B3GLCT: variants seen among roughly 807,000 people sequenced by gnomAD.
B3GLCT encodes beta-1,3-glucosyltransferase.
In B3GLCT, 65 loss-of-function variants were observed where a neutral mutation model predicts 63.4. The ratio of observed to expected loss-of-function variants is 1.03; its 90% CI spans 0.84 to 1.26. B3GLCT has a LOEUF of 1.26. Among genes scored for constraint, B3GLCT ranks in the 50% most tolerant of loss-of-function variants. The pLI, the probability that B3GLCT is intolerant of heterozygous loss-of-function variation, is 0.00. For missense variants in B3GLCT, 577 were observed against 604.8 expected, an observed-to-expected ratio of 0.95 and a Z score of 0.48; for synonymous variants, 233 against 219.2, an observed-to-expected ratio of 1.06 and a Z score of -0.55.
At chr13:31,317,540 G>T in intron 12 of B3GLCT, 26 bp from the exon 13 acceptor site, 1 of 1,613,514 alleles carries the variant, frequency 6.2e-7, no homozygotes, top group Admixed American at 1.7e-5. Context: ...AAATAATCAT[G>T]ATTTGTGTTC....
intron 12 of B3GLCT, among the ~76,000 whole-genome samples, chr13:31,316,877 C>G (rs1281112155): frequency 6.6e-6 from 1 of 152,110 alleles, no homozygotes; most frequent in East Asian, 1.9e-4. Flanking sequence ...TTTAGAGAAC[C>G]CAGACTAATA....
intron 2 of B3GLCT, among the ~76,000 whole-genome samples, chr13:31,216,142 T>A (rs915511236): frequency 3.8e-5 from 3 of 78,854 alleles, no homozygotes; most frequent in Non-Finnish European, 1.1e-4. Flanking sequence ...TTTAATAGAA[T>A]GTTTCTTTAT....
At chr13:31,220,720 A>C (rs528995708) in intron 2 of B3GLCT, among the ~76,000 whole-genome samples, 1 of 152,214 alleles carries the variant, frequency 6.6e-6, no homozygotes, top group African/African-American at 2.4e-5. Context: ...TGAAATGGCT[A>C]ATCATTTCCT....
chr13:31,331,290 C>T lies in B3GLCT; in HGVS notation c.*1622C>T, dbSNP rs1875909696. On this transcript the variant is annotated 3_prime_UTR_variant, in exon 15 of 15. Coordinates refer to ENST00000343307, the MANE Select transcript of B3GLCT (RefSeq NM_194318.4). Reference sequence around the variant, plus strand: ...TGCCTACACCAGTGGAAAAGAGTCTCCAGTTCTGCTCTGGCCTACTAACTG... The same window carrying T: ...TGCCTACACCAGTGGAAAAGAGTCTTCAGTTCTGCTCTGGCCTACTAACTG... The T allele has an allele frequency of 6.6e-6, 1 of 152,192 alleles. No individual in the cohort carries two copies. Among genetic ancestry groups the T allele is most frequent in the Non-Finnish European group, 1.5e-5 (1 of 68,044 alleles). 9.4% of individuals were successfully genotyped at this position (152,192 alleles called of 1,614,324 possible). A position where few individuals can be genotyped will look rare whatever the true frequency, so the allele number is the denominator to read the frequency against.
intron 3 of B3GLCT, among the ~76,000 whole-genome samples, chr13:31,227,068 G>A (rs1004561690): frequency 1.3e-5 from 2 of 152,044 alleles, no homozygotes; most frequent in Admixed American, 6.5e-5. Context: ...TTTGCAACTT[G>A]CTTTTTTCAG....
chr13:31,242,094 G>A lies in B3GLCT; in HGVS notation c.271-4929G>A, dbSNP rs1870978552. Reference sequence around the variant, plus strand: ...CTTGCCGTTTTGCAGAGAGGAAACTGAGGCTTAGAGAGATTAATAAAATAG... The same window carrying A: ...CTTGCCGTTTTGCAGAGAGGAAACTAAGGCTTAGAGAGATTAATAAAATAG... On this transcript the variant is annotated intron_variant, in intron 4 of 14. Coordinates refer to ENST00000343307, the MANE Select transcript of B3GLCT (RefSeq NM_194318.4). Among the ~76,000 whole-genome samples, 3 of 152,180 alleles carry A rather than the reference G, an allele frequency of 2.0e-5. 1 individual carries two copies. Among genetic ancestry groups the A allele is most frequent in the South Asian group, 4.1e-4 (2 of 4,824 alleles).
At chr13:31,316,407 T>TTTTATATATATATATA (rs1239451482) in intron 12 of B3GLCT, among the ~76,000 whole-genome samples, 468 of 40,870 alleles carry the variant, frequency 0.011, 13 homozygotes, top group East Asian at 0.024. Flanking sequence ...TTTGGAGGTT[T>TTTTATATATATATATA]TATATATATA....
chr13:31,207,914 A>G (rs977283410), intron 1 of B3GLCT, among the ~76,000 whole-genome samples: 2 of 152,206 alleles, frequency 1.3e-5, no homozygotes, highest in Admixed American at 6.5e-5. Flanking sequence ...AAAAGGCTCA[A>G]TAGGTTTTAC....
intron 12 of B3GLCT, among the ~76,000 whole-genome samples, chr13:31,291,805 A>T (rs1387255402): frequency 2.0e-5 from 3 of 152,186 alleles, no homozygotes; most frequent in Middle Eastern, 3.4e-3. Context: ...AATATCCATT[A>T]TTTCTTTCTC....
chr13:31,325,265 T>C (rs1328174431), intron 14 of B3GLCT, among the ~76,000 whole-genome samples: 2 of 152,192 alleles, frequency 1.3e-5, no homozygotes, highest in African/African-American at 4.8e-5. Context: ...TTTAGGACTT[T>C]GAGAGGTCTT....
intron 1 of B3GLCT, among the ~76,000 whole-genome samples, chr13:31,208,359 C>T (rs1225455256): frequency 6.6e-6 from 1 of 152,142 alleles, no homozygotes; most frequent in Non-Finnish European, 1.5e-5. Flanking sequence ...GCCTCACGAG[C>T]CTTGGCTTCC....
intron 6 of B3GLCT, among the ~76,000 whole-genome samples, 165 bp downstream of exon 6, chr13:31,248,131 A>G (rs1350870234): frequency 2.0e-5 from 3 of 152,234 alleles, no homozygotes; most frequent in Non-Finnish European, 4.4e-5. Context: ...ATGCTCTTTG[A>G]AGTTTGTAGC....
chr13:31,259,148 T>G (rs1871890673), intron 6 of B3GLCT, among the ~76,000 whole-genome samples: 1 of 152,242 alleles, frequency 6.6e-6, no homozygotes, highest in Non-Finnish European at 1.5e-5. Flanking sequence ...ATTTAAAAAA[T>G]CTTTTTATCC....
At chr13:31,301,430 G>A (rs554939687) in intron 12 of B3GLCT, among the ~76,000 whole-genome samples, 2 of 152,256 alleles carry the variant, frequency 1.3e-5, no homozygotes, top group African/African-American at 4.8e-5. Flanking sequence ...TACTGGATAG[G>A]GGGAACATTT....
rs763076618 is a variant in B3GLCT at position 31,274,622 on chromosome 13, G to A, written c.774G>A (p.Pro258=). ...YCATTFHSFL[P]LCRKPVKKKD... ...CTACCACATTCCATTCTTTTCTACC[G>A]CTTTGTGTGAGTAACAGAAGAAAAA... Residue 258 remains proline (P), a synonymous_variant, in exon 9 of 15, where the codon CCG becomes CCA. Transcript: ENST00000343307. 1.1e-5 allele frequency: 17 copies of A among 1,613,974 alleles called. No homozygotes were observed. Among genetic ancestry groups the A allele is most frequent in the African/African-American group, 6.7e-5 (5 of 74,896 alleles).
intron 13 of B3GLCT, among the ~76,000 whole-genome samples, chr13:31,322,277 A>G (rs1226440980): frequency 6.6e-6 from 1 of 152,216 alleles, no homozygotes; most frequent in East Asian, 1.9e-4. Flanking sequence ...TGACCTATTT[A>G]TTGGCTGAAG....
chr13:31,279,931 A>G (rs1872980543), intron 10 of B3GLCT, among the ~76,000 whole-genome samples: 1 of 152,102 alleles, frequency 6.6e-6, no homozygotes, highest in South Asian at 2.1e-4. Flanking sequence ...TATTTCTCCT[A>G]TTTGCTTTTG....
intron 12 of B3GLCT, among the ~76,000 whole-genome samples, chr13:31,304,416 C>G (rs1349892511): frequency 1.3e-3 from 76 of 57,556 alleles, no homozygotes; most frequent in African/African-American, 3.9e-3. Context: ...CATCAGTGTG[C>G]TGTATTCAGG....
At chr13:31,319,165 C>G (rs1017187989) in intron 13 of B3GLCT, among the ~76,000 whole-genome samples, 1 of 152,176 alleles carries the variant, frequency 6.6e-6, no homozygotes, top group Admixed American at 6.5e-5. Flanking sequence ...TGTCACTGCT[C>G]CCCCTTCCCT....
Sources: gnomAD v4.1 joint callset for allele counts (sites outside exome capture counted in the v4.1 genomes callset) on GRCh38, gnomAD v4.1.1 for gene constraint, MANE v1.5 for transcripts, NCBI Gene and HGNC (gene_info 2026-07-23, HGNC 2026-07-21) for gene names.